Variants in CDH19 observed in about 807,000 individuals in gnomAD.
The protein encoded by CDH19 is cadherin 19.
CDH19 carries 67 observed loss-of-function variants against 64.2 expected under a neutral mutation model. That is an observed-to-expected ratio of 1.04 (90% confidence interval 0.86 to 1.28). CDH19 has a LOEUF of 1.28. Among genes scored for constraint, CDH19 ranks in the 50% most tolerant of loss-of-function variants. The pLI is 0.00. For missense variants in CDH19, 1,030 were observed against 929.0 expected (o/e 1.11, Z -1.41); for synonymous variants, 346 against 319.3 (o/e 1.08, Z -0.89).
intron 3 of CDH19, 92 bp from the exon 4 acceptor site, chr18:66,554,616 G>T (rs1311167113): frequency 5.0e-6 from 5 of 1,004,206 alleles, no homozygotes; most frequent in Non-Finnish European, 7.1e-6. Flanking sequence ...CAAGCAAGAT[G>T]TTGTTACAAA....
chr18:66,508,109 T>G (rs1402437125), intron 11 of CDH19, among the ~76,000 whole-genome samples: 1 of 151,802 alleles, frequency 6.6e-6, no homozygotes, highest in African/African-American at 2.4e-5. Context: ...TAGATAAAAC[T>G]AGATAACATT....
At chr18:66,548,126 A>AT (rs1325529132) in intron 5 of CDH19, among the ~76,000 whole-genome samples, 9 of 144,692 alleles carry the variant, frequency 6.2e-5, no homozygotes, top group African/African-American at 2.1e-4. Flanking sequence ...AATATTATAT[A>AT]TTATATATAA....
intron 3 of CDH19, among the ~76,000 whole-genome samples, chr18:66,567,035 C>T (rs1440325560): frequency 6.6e-6 from 1 of 151,770 alleles, no homozygotes; most frequent in Non-Finnish European, 1.5e-5. Flanking sequence ...TTCCTCCAGA[C>T]AATTAATAAT....
intron 9 of CDH19, among the ~76,000 whole-genome samples, chr18:66,515,844 A>C (rs763092367): frequency 2.6e-5 from 4 of 151,850 alleles, no homozygotes; most frequent in Non-Finnish European, 4.4e-5. Flanking sequence ...ATCCATTTAA[A>C]ATGTATTTCA....
chr18:66,532,613 C>A, intron 8 of CDH19: 2 of 375,450 alleles, frequency 5.3e-6, no homozygotes, highest in Non-Finnish European at 5.3e-6. Context: ...AAAAGTTCAA[C>A]AAGTTTCTTG....
chr18:66,524,102 TG>T (rs1210791493), intron 9 of CDH19, among the ~76,000 whole-genome samples: 1 of 152,178 alleles, frequency 6.6e-6, no homozygotes, highest in Non-Finnish European at 1.5e-5. Flanking sequence ...CTGACATGAA[TG>T]TGTGAGGATC....
At chr18:66,530,880 T>C in intron 8 of CDH19, among the ~76,000 whole-genome samples, 1 of 152,114 alleles carries the variant, frequency 6.6e-6, no homozygotes, top group Admixed American at 6.5e-5. Context: ...CAATCCAAAC[T>C]GTATTCAGAC....
chr18:66,529,981 T>C lies in CDH19; in HGVS notation c.1337-15A>G. 7.4e-7 allele frequency: 1 copy of C among 1,352,666 alleles called. No individual in the cohort carries two copies. Among genetic ancestry groups the C allele is most frequent in the African/African-American group, 1.5e-5 (1 of 65,668 alleles). 83.8% of individuals were successfully genotyped at this position (1,352,666 alleles called of 1,614,324 possible). ...TTCTATATTGTCTGCAATTTGAATATATATAATAAAAATCTAACATATTTT... is the reference window on the plus strand; with the variant it reads ...TTCTATATTGTCTGCAATTTGAATACATATAATAAAAATCTAACATATTTT... On this transcript the variant is annotated splice_polypyrimidine_tract_variant and intron_variant, in intron 8 of 11. Transcript: ENST00000262150.
At chr18:66,558,709 A>C (rs1346475912) in intron 3 of CDH19, among the ~76,000 whole-genome samples, 4 of 152,068 alleles carry the variant, frequency 2.6e-5, no homozygotes, top group Admixed American at 6.6e-5. Flanking sequence ...TGAAAATATT[A>C]CTATGAAACC....
At chr18:66,570,372 A>C (rs1359585549) in intron 2 of CDH19, among the ~76,000 whole-genome samples, 6 of 151,760 alleles carry the variant, frequency 4.0e-5, no homozygotes. Flanking sequence ...CATAAAATGC[A>C]TATGTTAAAC....
rs755133718 is a variant in CDH19 at position 66,511,626 on chromosome 18, G to A, written c.1518C>T (p.Tyr506=). 11 of 1,576,702 alleles carry A rather than the reference G, an allele frequency of 7.0e-6. No homozygotes were observed. Among genetic ancestry groups the A allele is most frequent in the Non-Finnish European group, 8.7e-6 (10 of 1,147,528 alleles). ...RDESIEEHHF[Y]FNLSVEDTNN... ...TAGTGTCTTCTACAGATAGATTAAA[G>A]TAAAAATGGTGCTCTTCTATGGATT... Residue 506 remains tyrosine, a synonymous_variant, in exon 10 of 12, where the codon TAC becomes TAT. Transcript: ENST00000262150.
At position 66,551,212 on chromosome 18, in the gene CDH19, C is replaced by T; in HGVS notation, c.657G>A (p.Glu219=). The T allele has an allele frequency of 6.4e-7, 1 of 1,574,324 alleles. No homozygotes were observed. Among genetic ancestry groups the T allele is most frequent in the Non-Finnish European group, 8.7e-7 (1 of 1,144,310 alleles). ...SSKMDRELQD[E]YWVIIQAKDM... is the part of the protein sequence containing the mutation. The stretch of plus-strand genomic sequence containing the variant: ...CCTTGGCTTGAATGATTACCCAATA[C>T]TCATCTTGCAGTTCTCTATCCATTT... The change falls in exon 5 of 12, where the codon GAG becomes GAA. Residue 219 remains glutamate (E), a synonymous_variant. Coordinates refer to ENST00000262150, the MANE Select transcript of CDH19 (RefSeq NM_021153.4).
chr18:66,600,444 AT>A (rs1188244485), intron 1 of CDH19, among the ~76,000 whole-genome samples: 1 of 151,890 alleles, frequency 6.6e-6, no homozygotes, highest in Admixed American at 6.6e-5. Context: ...GCACAAAAAA[AT>A]CTCAATGACA....
chr18:66,536,708 C>T (rs372536532), intron 7 of CDH19, among the ~76,000 whole-genome samples: 1 of 151,714 alleles, frequency 6.6e-6, no homozygotes, highest in African/African-American at 2.4e-5. Context: ...TAATATGTAT[C>T]ATTTTTCTTA....
Position 66,505,977 on chromosome 18 carries a change from A to G in CDH19, c.1829-675T>C, listed in dbSNP as rs981794906. Among the ~76,000 whole-genome samples, 8 of 152,106 alleles carry G rather than the reference A, an allele frequency of 5.3e-5. No homozygotes were observed. In the East Asian group the frequency reaches 7.7e-4, roughly 15 times the overall value. On this transcript the variant is annotated intron_variant, in intron 11 of 11. Coordinates refer to ENST00000262150, the MANE Select transcript of CDH19 (RefSeq NM_021153.4). ...AAGACACAGCTAGTTGAGAGATACA[A>G]TGGAATACTGTTCAGTCACCAACAG...
intron 7 of CDH19, among the ~76,000 whole-genome samples, chr18:66,539,920 G>T (rs1289042231): frequency 6.6e-6 from 1 of 151,950 alleles, no homozygotes; most frequent in Non-Finnish European, 1.5e-5. Flanking sequence ...GTATGCTAAG[G>T]TTATTTATCT....
intron 1 of CDH19, among the ~76,000 whole-genome samples, chr18:66,597,931 T>C (rs964756780): frequency 5.3e-5 from 8 of 152,050 alleles, no homozygotes; most frequent in Non-Finnish European, 1.0e-4. Context: ...TTAGGAGATA[T>C]ACCTAATGTA....
chr18:66,502,102 T>C lies in CDH19; in HGVS notation c.*2710A>G. ...ATAAATTCTTAATGTAATGCCTTTT[T>C]AGTTTAAGAGCTGTGTTCTTGCAAC... On this transcript the variant is annotated 3_prime_UTR_variant, in exon 12 of 12. Coordinates refer to ENST00000262150, the MANE Select transcript of CDH19 (RefSeq NM_021153.4). 6.6e-6 allele frequency: 1 copy of C among 152,108 alleles called. No homozygotes were observed. Among genetic ancestry groups the C allele is most frequent in the East Asian group, 1.9e-4 (1 of 5,178 alleles). 9.4% of individuals were successfully genotyped at this position (152,108 alleles called of 1,614,324 possible).
intron 7 of CDH19, among the ~76,000 whole-genome samples, chr18:66,536,555 T>G (rs1203895191): frequency 6.6e-6 from 1 of 151,724 alleles, no homozygotes; most frequent in Non-Finnish European, 1.5e-5. Context: ...GATGTTATAG[T>G]CTTTAGTAGT....
Sources: gnomAD v4.1 joint callset for allele counts (sites outside exome capture counted in the v4.1 genomes callset) on GRCh38, gnomAD v4.1.1 for gene constraint, MANE v1.5 for transcripts, NCBI Gene and HGNC (gene_info 2026-07-23, HGNC 2026-07-21) for gene names.